The following PRH1 variants were observed in gnomAD, a reference collection of about 807,000 sequenced individuals.
PRH1 encodes proline rich protein HaeIII subfamily 1.
Under a neutral mutation model 7.9 loss-of-function variants are expected in PRH1, and 7 were observed. The ratio of observed to expected loss-of-function variants is 0.89; its 90% confidence interval spans 0.50 to 1.67. The LOEUF (loss-of-function observed/expected upper bound fraction) is 1.67, where lower values mean the gene tolerates loss of function less well. Ranked by LOEUF, PRH1 falls within the 40% of genes most tolerant of loss-of-function variation. The pLI, the probability that PRH1 is intolerant of heterozygous loss-of-function variation, is 0.00. For synonymous variants in PRH1, 45 were observed against 80.8 expected (o/e 0.56, Z 2.38); for missense variants, 109 against 223.6 (o/e 0.49, Z 3.27).
At chr12:11,064,532 G>A (rs138259462) in intron 1 of PRH1, among the ~76,000 whole-genome samples, 2 of 151,654 alleles carry the variant, frequency 1.3e-5, no homozygotes, top group South Asian at 2.1e-4. Flanking sequence ...AGAATTACAG[G>A]GTCATTGTGC....
At chr12:11,135,852 T>C (rs1289942999) in intron 1 of PRH1, among the ~76,000 whole-genome samples, 1 of 152,206 alleles carries the variant, frequency 6.6e-6, no homozygotes, top group Admixed American at 6.6e-5. Flanking sequence ...TGTATACCAA[T>C]AGTTTATTTT....
chr12:11,038,046 T>TA lies in PRH1; in HGVS notation c.-126+8973dup, dbSNP rs1360132808. ...AACAGAGTGAGACGCTGTCTCAAAA[T>TA]AAAAAAAGAAAAGTTTTAAATTTTA... On this transcript the variant is annotated intron_variant, in intron 1 of 3. Coordinates refer to the PRH1 transcript ENST00000539853. Among the ~76,000 whole-genome samples the TA allele has an allele frequency of 6.6e-5, 10 of 152,268 alleles. No homozygotes were observed. In the East Asian group the frequency reaches 1.7e-3, roughly 26 times the overall value.
chr12:11,079,488 A>C (rs1420077863), intron 1 of PRH1, among the ~76,000 whole-genome samples: 1 of 118,544 alleles, frequency 8.4e-6, no homozygotes, highest in African/African-American at 2.8e-5. Context: ...CAGTCACCAG[A>C]GCCATCCACC....
At chr12:11,084,040 A>G (rs78916601) in intron 1 of PRH1, among the ~76,000 whole-genome samples, 16,139 of 68,596 alleles carry the variant, frequency 0.24, 1,975 homozygotes, top group Middle Eastern at 0.33. Flanking sequence ...CAAATCCTGC[A>G]TTTACCCTAT....
chr12:11,054,623 T>C (rs1943280525), intron 1 of PRH1, among the ~76,000 whole-genome samples: 1 of 152,220 alleles, frequency 6.6e-6, no homozygotes, highest in Non-Finnish European at 1.5e-5. Flanking sequence ...CATAATTATT[T>C]CATTTAGAGA....
chr12:10,922,839 T>TTTTTTTTTTTTTG (rs1950068130), intron 2 of PRH1, among the ~76,000 whole-genome samples: 1 of 127,696 alleles, frequency 7.8e-6, no homozygotes, highest in African/African-American at 2.6e-5. Flanking sequence ...TTCTTTTTTT[T>TTTTTTTTTTTTTG]GAGACGGAGT....
chr12:11,018,899 G>A (rs1319549889), intron 1 of PRH1, among the ~76,000 whole-genome samples: 2 of 152,276 alleles, frequency 1.3e-5, no homozygotes, highest in Admixed American at 6.5e-5. Context: ...CTCGCCCGAA[G>A]GGACTGTCTG....
At chr12:11,000,224 CTAT>C (rs1314063521) in intron 1 of PRH1, among the ~76,000 whole-genome samples, 1 of 152,022 alleles carries the variant, frequency 6.6e-6, no homozygotes, top group Admixed American at 6.6e-5. Context: ...CAGCAAGACG[CTAT>C]TATTTTATTC....
chr12:10,883,937 T>C lies in PRH1; in HGVS notation c.64+217A>G, dbSNP rs1385682618. 2.0e-5 allele frequency among the ~76,000 whole-genome samples: 3 copies of C among 152,228 alleles called. No homozygotes were observed. The East Asian group carries it at 5.8e-4, about 29-fold the overall frequency. Reference sequence around the variant, plus strand: ...TGCAAATCTCACTCTCTCACACCCCTAGTACGAATTCTTTATTGGATTCTA... The same window carrying C: ...TGCAAATCTCACTCTCTCACACCCCCAGTACGAATTCTTTATTGGATTCTA... On this transcript the variant is annotated intron_variant, in intron 1 of 3. Transcript: ENST00000543626.
chr12:11,168,778 C>T (rs920709137), intron 1 of PRH1, among the ~76,000 whole-genome samples: 1 of 152,132 alleles, frequency 6.6e-6, no homozygotes, highest in African/African-American at 2.4e-5. Context: ...GATTACGACT[C>T]CAAAATCATT....
intron 1 of PRH1, among the ~76,000 whole-genome samples, chr12:10,993,137 C>T (rs577535716): frequency 6.6e-6 from 1 of 152,304 alleles, no homozygotes; most frequent in Non-Finnish European, 1.5e-5. Context: ...TGCAGATGCT[C>T]TCTAGGATGT....
intron 1 of PRH1, among the ~76,000 whole-genome samples, chr12:11,071,661 T>TA (rs1242388001): frequency 3.9e-5 from 6 of 152,194 alleles, no homozygotes; most frequent in African/African-American, 1.4e-4. Context: ...GTGTTCTAAA[T>TA]AAATGCCAAG....
intron 1 of PRH1, chr12:11,021,689 A>T: frequency 6.2e-7 from 1 of 1,610,858 alleles, no homozygotes; most frequent in South Asian, 1.1e-5. Flanking sequence ...GTCATCTGCC[A>T]CAAAACTGAA....
chr12:11,141,014 T>C (rs1250311168), intron 1 of PRH1, among the ~76,000 whole-genome samples: 2 of 152,162 alleles, frequency 1.3e-5, no homozygotes, highest in Non-Finnish European at 2.9e-5. Flanking sequence ...AATACTTGTA[T>C]AACTTATTGT....
chr12:11,001,475 C>G (rs990366258), intron 1 of PRH1, among the ~76,000 whole-genome samples: 3 of 152,072 alleles, frequency 2.0e-5, no homozygotes, highest in Non-Finnish European at 4.4e-5. Flanking sequence ...GGGCTGATGA[C>G]TTGGGGCAGG....
At position 11,076,747 on chromosome 12, in the gene PRH1, T is replaced by C. The variant is rs111934120; in HGVS notation, n.124-29559A>G. The C allele has an allele frequency of 4.3e-4, 49 of 115,240 alleles. 11 individuals are homozygous for C. Among genetic ancestry groups the C allele is most frequent in the African/African-American group, 1.2e-3 (43 of 34,644 alleles). 7.1% of individuals were successfully genotyped at this position (115,240 alleles called of 1,614,324 possible). On this transcript the variant is annotated intron_variant and non_coding_transcript_variant, in intron 1 of 4. Coordinates refer to the PRH1 transcript ENST00000541977. ...ATTCTTTAGTACTGTTTTTGGTATA[T>C]ATAAATAAAACTTACTCTACATATC...
intron 1 of PRH1, among the ~76,000 whole-genome samples, chr12:11,031,964 A>C (rs1245849880): frequency 6.6e-5 from 10 of 152,178 alleles, no homozygotes; most frequent in Non-Finnish European, 1.0e-4. Context: ...TTTACTTTTA[A>C]TTGTTGTGAC....
At chr12:10,942,340 G>T (rs781300154) in intron 2 of PRH1, among the ~76,000 whole-genome samples, 7 of 152,122 alleles carry the variant, frequency 4.6e-5, no homozygotes, top group Non-Finnish European at 8.8e-5. Context: ...GTACCATCAG[G>T]TGGGGCAGAG....
rs560276607 is a variant in PRH1 at position 11,091,150 on chromosome 12, G to C, written n.124-43962C>G. On this transcript the variant is annotated intron_variant and non_coding_transcript_variant, in intron 1 of 4. Coordinates refer to the PRH1 transcript ENST00000541977. The stretch of plus-strand genomic sequence containing the variant: ...TATATATATATATATATATTTTCTA[G>C]ACTGCCATTGGGTCAAAGACTTTTC... 6.7e-3 allele frequency: 261 copies of C among 38,830 alleles called. 55 individuals are homozygous for C. Among genetic ancestry groups the C allele is most frequent in the Non-Finnish European group, 0.013 (221 of 17,066 alleles). The allele number at this position is 38,830 out of a possible 1,614,324, so 2.4% of individuals were successfully genotyped here.
Sources: allele counts gnomAD v4.1 joint callset (sites outside exome capture counted in the v4.1 genomes callset), GRCh38; gene constraint gnomAD v4.1.1; transcripts MANE v1.5; gene names NCBI Gene and HGNC (gene_info 2026-07-23, HGNC 2026-07-21).